The following PCDH15 variants were observed in gnomAD, a reference collection of about 807,000 sequenced individuals.
PCDH15 encodes the protein protocadherin-15.
A neutral mutation model predicts 178.5 loss-of-function variants in PCDH15; 129 were observed. The ratio of observed to expected loss-of-function variants is 0.72; its 90% confidence interval spans 0.63 to 0.84. The LOEUF is 0.84. Ranked by LOEUF, PCDH15 falls within the 40% of genes least tolerant of loss-of-function variation. The pLI is 0.00. For synonymous variants in PCDH15, 800 were observed against 732.0 expected (o/e 1.09, Z -1.50); for missense variants, 2,230 against 2,099.9 (o/e 1.06, Z -1.21).
At chr10:55,462,787 T>C (rs1839707315) in intron 2 of PCDH15, among the ~76,000 whole-genome samples, 1 of 152,160 alleles carries the variant, frequency 6.6e-6, no homozygotes, top group Non-Finnish European at 1.5e-5. Context: ...TGAAGGTTGC[T>C]GAGTTTGCCA....
At chr10:53,812,917 G>A (rs1475026186) in intron 35 of PCDH15, among the ~76,000 whole-genome samples, 1 of 152,102 alleles carries the variant, frequency 6.6e-6, no homozygotes, top group African/African-American at 2.4e-5. Flanking sequence ...CTCCTCTGAG[G>A]GCACAAATAT....
Position 55,310,562 on chromosome 10 carries a change from T to C in PCDH15, c.-156+9037A>G, listed in dbSNP as rs949605096. Among the ~76,000 whole-genome samples, 4 of 152,186 alleles carry C rather than the reference T, an allele frequency of 2.6e-5. 1 individual carries two copies. Among genetic ancestry groups the C allele is most frequent in the African/African-American group, 7.2e-5 (3 of 41,454 alleles). On this transcript the variant is annotated intron_variant, in intron 1 of 5. Coordinates refer to the PCDH15 transcript ENST00000458638. ...GTGCCATATAAACACATACAGCATGTGTTAAAAAGTTGAAAATTAACCAGT... is the reference window on the plus strand; with the variant it reads ...GTGCCATATAAACACATACAGCATGCGTTAAAAAGTTGAAAATTAACCAGT...
chr10:54,649,701 C>T (rs540222381), intron 2 of PCDH15, among the ~76,000 whole-genome samples: 27 of 152,042 alleles, frequency 1.8e-4, no homozygotes, highest in African/African-American at 6.0e-4. Flanking sequence ...AGTATTTTGT[C>T]TACACATATA....
chr10:54,649,814 C>T (rs1026254832), intron 2 of PCDH15, among the ~76,000 whole-genome samples: 2 of 152,128 alleles, frequency 1.3e-5, no homozygotes, highest in East Asian at 3.8e-4. Flanking sequence ...TTTGTCCCCA[C>T]GTCATTGACC....
Position 55,197,622 on chromosome 10 carries a change from G to T in PCDH15, c.-155-30971C>A, listed in dbSNP as rs1048760638. Among the ~76,000 whole-genome samples the T allele has an allele frequency of 2.0e-5, 3 of 152,166 alleles. No individual in the cohort carries two copies. In the South Asian group the frequency reaches 6.2e-4, roughly 32 times the overall value. On this transcript the variant is annotated intron_variant, in intron 1 of 5. Coordinates refer to the PCDH15 transcript ENST00000458638. ...GTTCATAAAAAGTCATTCATCCAGTGTTAGTGGCTACATAATAGAAGCAGG... is the reference window on the plus strand; with the variant it reads ...GTTCATAAAAAGTCATTCATCCAGTTTTAGTGGCTACATAATAGAAGCAGG...
At chr10:55,555,130 A>G (rs1339289484) in intron 2 of PCDH15, among the ~76,000 whole-genome samples, 1 of 152,108 alleles carries the variant, frequency 6.6e-6, no homozygotes, top group African/African-American at 2.4e-5. Flanking sequence ...GGATCATAGA[A>G]GCTATTTCTA....
intron 2 of PCDH15, among the ~76,000 whole-genome samples, chr10:55,391,479 A>T (rs928801530): frequency 6.6e-6 from 1 of 151,460 alleles, no homozygotes; most frequent in Admixed American, 6.6e-5. Context: ...CTAAAGTAGC[A>T]ATTTGCTTCT....
chr10:54,561,980 C>CTTTTTTTTTTTTTTTTTTTTTTTTT (rs575547228), intron 2 of PCDH15, among the ~76,000 whole-genome samples: 1 of 75,252 alleles, frequency 1.3e-5, no homozygotes, highest in African/African-American at 6.8e-5. Context: ...CCGCACCCAG[C>CTTTTTTTTTTTTTTTTTTTTTTTTT]TTTTTTTTTT....
intron 14 of PCDH15, among the ~76,000 whole-genome samples, chr10:54,152,684 C>CTGTG (rs553644491): frequency 2.0e-4 from 30 of 149,270 alleles, no homozygotes; most frequent in East Asian, 1.4e-3. Context: ...TTTTAGCTTG[C>CTGTG]TGTGTGTGTG....
intron 18 of PCDH15, among the ~76,000 whole-genome samples, chr10:54,052,928 C>A (rs116426458): frequency 6.6e-6 from 1 of 152,118 alleles, no homozygotes; most frequent in Non-Finnish European, 1.5e-5. Context: ...AGCTTTTCCC[C>A]GCTTCGCTCT....
intron 2 of PCDH15, among the ~76,000 whole-genome samples, chr10:55,062,832 T>G (rs1301153855): frequency 1.3e-5 from 2 of 152,142 alleles, no homozygotes; most frequent in Non-Finnish European, 2.9e-5. Context: ...TGTGCATTTT[T>G]GGGGCAGGGA....
chr10:54,537,807 T>C (rs780776881), intron 2 of PCDH15, among the ~76,000 whole-genome samples: 18 of 152,234 alleles, frequency 1.2e-4, no homozygotes, highest in Non-Finnish European at 2.4e-4. Flanking sequence ...AATAATAGCA[T>C]TTTGACTGGT....
chr10:55,502,047 C>A (rs1320496266), intron 2 of PCDH15, among the ~76,000 whole-genome samples: 1 of 151,580 alleles, frequency 6.6e-6, no homozygotes, highest in African/African-American at 2.4e-5. Flanking sequence ...TAGACCAAAA[C>A]TTTTGCAATA....
chr10:54,708,801 T>TGTGTGTGTGTGC (rs959581064), intron 1 of PCDH15, among the ~76,000 whole-genome samples: 9 of 125,568 alleles, frequency 7.2e-5, no homozygotes, highest in African/African-American at 2.6e-4. Context: ...TGTGTGTGTG[T>TGTGTGTGTGTGC]GCGCGCGCGT....
At chr10:55,613,442 G>A (rs1843412188) in intron 2 of PCDH15, among the ~76,000 whole-genome samples, 1 of 152,066 alleles carries the variant, frequency 6.6e-6, no homozygotes, top group Non-Finnish European at 1.5e-5. Context: ...CTTATAATAT[G>A]TGAACTGATT....
At chr10:53,836,049 C>T (rs1011471804) in intron 29 of PCDH15, among the ~76,000 whole-genome samples, 1 of 152,090 alleles carries the variant, frequency 6.6e-6, no homozygotes, top group Non-Finnish European at 1.5e-5. Flanking sequence ...TGTGCCCATC[C>T]CTGGTGCTCA....
intron 2 of PCDH15, among the ~76,000 whole-genome samples, chr10:55,454,716 C>T (rs1310202787): frequency 2.1e-5 from 3 of 145,188 alleles, no homozygotes; most frequent in Admixed American, 1.4e-4. Context: ...ACCCAGGAGG[C>T]GGAGCTTGCA....
chr10:55,412,234 T>C (rs1838356014), intron 2 of PCDH15, among the ~76,000 whole-genome samples: 2 of 152,036 alleles, frequency 1.3e-5, no homozygotes, highest in East Asian at 1.9e-4. Context: ...TGGAGGGGAT[T>C]TGAGATGCAG....
intron 2 of PCDH15, among the ~76,000 whole-genome samples, chr10:55,128,802 A>G (rs920747295): frequency 4.6e-5 from 7 of 151,796 alleles, no homozygotes; most frequent in Admixed American, 1.3e-4. Context: ...AGTCATCAAT[A>G]GAGATCTGAG....
Sources: allele counts gnomAD v4.1 joint callset (sites outside exome capture counted in the v4.1 genomes callset), GRCh38; gene constraint gnomAD v4.1.1; transcripts MANE v1.5; gene names NCBI Gene and HGNC (gene_info 2026-07-23, HGNC 2026-07-21).